Variants in CACHD1 observed in about 807,000 individuals in gnomAD.
The protein encoded by CACHD1 is cache domain containing 1, also known as VWFA and cache domain-containing protein 1.
CACHD1 carries 71 observed loss-of-function variants against 138.7 expected under a neutral mutation model. That is an observed-to-expected ratio of 0.51 (90% confidence interval 0.42 to 0.62). The LOEUF is 0.62. Among genes scored for constraint, CACHD1 ranks in the 20% least tolerant of loss-of-function variants. The pLI is 0.00. For synonymous variants in CACHD1, 578 were observed against 591.5 expected (o/e 0.98, Z 0.33); for missense variants, 1,389 against 1,625.3 (o/e 0.85, Z 2.50).
intron 16 of CACHD1, among the ~76,000 whole-genome samples, chr1:64,668,642 C>G (rs1649718319): frequency 6.6e-6 from 1 of 152,218 alleles, no homozygotes; most frequent in South Asian, 2.1e-4. Context: ...GTCCTGGGTT[C>G]TGCCTCCTGA....
intron 1 of CACHD1, among the ~76,000 whole-genome samples, chr1:64,546,410 C>T (rs539098091): frequency 6.6e-6 from 1 of 152,108 alleles, no homozygotes; most frequent in Admixed American, 6.5e-5. Context: ...TCTTGGCTCA[C>T]TGCAGCCTCT....
intron 13 of CACHD1, among the ~76,000 whole-genome samples, chr1:64,659,157 T>C (rs897796183): frequency 3.0e-4 from 45 of 152,002 alleles, no homozygotes; most frequent in African/African-American, 1.0e-3. Flanking sequence ...AAAGACAAGT[T>C]TGATGTTGAG....
chr1:64,525,650 A>G (rs775683029), intron 1 of CACHD1, among the ~76,000 whole-genome samples: 1 of 152,212 alleles, frequency 6.6e-6, no homozygotes, highest in Non-Finnish European at 1.5e-5. Context: ...CGTAAATATA[A>G]AGGTCATCTC....
chr1:64,613,739 C>T (rs1647610503), intron 4 of CACHD1, among the ~76,000 whole-genome samples: 1 of 152,098 alleles, frequency 6.6e-6, no homozygotes, highest in Non-Finnish European at 1.5e-5. Flanking sequence ...TTTCTTTATT[C>T]TGTAGCTCAG....
At chr1:64,495,958 T>A (rs116736476) in intron 1 of CACHD1, among the ~76,000 whole-genome samples, 409 of 152,314 alleles carry the variant, frequency 2.7e-3, no homozygotes, top group African/African-American at 9.5e-3. Flanking sequence ...CCTTGGTAGC[T>A]ATATTTTCGT....
intron 1 of CACHD1, among the ~76,000 whole-genome samples, chr1:64,480,319 G>A (rs1646200982): frequency 1.3e-5 from 2 of 152,154 alleles, no homozygotes; most frequent in Admixed American, 1.3e-4. Context: ...CTCATGTTTT[G>A]GTTTTAGACT....
At chr1:64,525,851 C>T (rs1646534473) in intron 1 of CACHD1, among the ~76,000 whole-genome samples, 1 of 152,194 alleles carries the variant, frequency 6.6e-6, no homozygotes, top group Non-Finnish European at 1.5e-5. Context: ...ACACAATTTT[C>T]ATGTGGTTAT....
intron 2 of CACHD1, among the ~76,000 whole-genome samples, chr1:64,552,207 A>G (rs1172983829): frequency 1.3e-5 from 2 of 151,950 alleles, no homozygotes; most frequent in Non-Finnish European, 2.9e-5. Context: ...GCTAGGAACA[A>G]GTTTAGAAGC....
intron 1 of CACHD1, among the ~76,000 whole-genome samples, chr1:64,496,871 A>G (rs1413786990): frequency 6.6e-6 from 1 of 151,606 alleles, no homozygotes; most frequent in Non-Finnish European, 1.5e-5. Context: ...CTCAAAAAAA[A>G]AAAAAAAAGA....
rs985617775 is a variant in CACHD1 at position 64,603,554 on chromosome 1, T to C, written c.517+642T>C. On this transcript the variant is annotated intron_variant, in intron 4 of 26. Coordinates refer to ENST00000651257, the MANE Select transcript of CACHD1 (RefSeq NM_020925.4). The stretch of plus-strand genomic sequence containing the variant: ...CCAGTTATCTTTGCAATAGGAGGTA[T>C]TGGATTTTCTTTGCATTCCCTAGTT... Among the ~76,000 whole-genome samples the C allele has an allele frequency of 9.2e-5, 14 of 152,346 alleles. No homozygotes were observed. In the South Asian group the frequency reaches 1.9e-3, roughly 20 times the overall value.
intron 1 of CACHD1, among the ~76,000 whole-genome samples, chr1:64,535,953 T>G (rs1646629536): frequency 6.6e-6 from 1 of 152,210 alleles, no homozygotes; most frequent in African/African-American, 2.4e-5. Flanking sequence ...CAACTGTTAT[T>G]GAGCCCCTAC....
At chr1:64,615,673 C>T (rs1403526615) in intron 4 of CACHD1, among the ~76,000 whole-genome samples, 1 of 152,160 alleles carries the variant, frequency 6.6e-6, no homozygotes, top group Admixed American at 6.5e-5. Context: ...TTTTGAAGGA[C>T]TTCGGTGAAA....
At chr1:64,510,575 C>A (rs1222742709) in intron 1 of CACHD1, among the ~76,000 whole-genome samples, 1 of 152,224 alleles carries the variant, frequency 6.6e-6, no homozygotes, top group Non-Finnish European at 1.5e-5. Flanking sequence ...ATGTTCTCAA[C>A]TACCTAACCA....
At chr1:64,493,786 G>A (rs1646291761) in intron 1 of CACHD1, among the ~76,000 whole-genome samples, 1 of 152,160 alleles carries the variant, frequency 6.6e-6, no homozygotes, top group African/African-American at 2.4e-5. Flanking sequence ...TCCCTGCAGT[G>A]GATTTACACA....
intron 1 of CACHD1, among the ~76,000 whole-genome samples, chr1:64,540,478 C>T (rs1215869571): frequency 6.6e-6 from 1 of 152,108 alleles, no homozygotes; most frequent in Non-Finnish European, 1.5e-5. Flanking sequence ...TGGCTAACAG[C>T]GGACTCTTTC....
chr1:64,513,360 T>G (rs1646436116), intron 1 of CACHD1, among the ~76,000 whole-genome samples: 3 of 152,118 alleles, frequency 2.0e-5, no homozygotes, highest in Admixed American at 1.3e-4. Flanking sequence ...TGTTCTAAGG[T>G]GAAACACTGT....
chr1:64,625,971 C>G (rs569519837), intron 4 of CACHD1, among the ~76,000 whole-genome samples: 2 of 152,114 alleles, frequency 1.3e-5, no homozygotes, highest in African/African-American at 2.4e-5. Context: ...TTGCTAGAGT[C>G]GAGTCTCCAT....
At chr1:64,575,439 A>G (rs890212407) in intron 2 of CACHD1, among the ~76,000 whole-genome samples, 3 of 152,240 alleles carry the variant, frequency 2.0e-5, no homozygotes, top group Non-Finnish European at 4.4e-5. Context: ...GATGTTAAAT[A>G]TTTGTGCTTA....
chr1:64,519,959 G>A (rs1316600432), intron 1 of CACHD1, among the ~76,000 whole-genome samples: 2 of 152,098 alleles, frequency 1.3e-5, no homozygotes, highest in South Asian at 2.1e-4. Context: ...ACATACAGAC[G>A]TTGATTAACA....
Sources: allele counts gnomAD v4.1 joint callset (sites outside exome capture counted in the v4.1 genomes callset), GRCh38; gene constraint gnomAD v4.1.1; transcripts MANE v1.5; gene names NCBI Gene and HGNC (gene_info 2026-07-23, HGNC 2026-07-21).